RYR2: variants seen among roughly 807,000 people sequenced by gnomAD.
RYR2 encodes the protein cardiac muscle ryanodine receptor-calcium release channel.
RYR2 carries 227 observed loss-of-function variants against 601.1 expected under a neutral mutation model. The observed-to-expected ratio is 0.38, with a 90% confidence interval of 0.34 to 0.42. The LOEUF is 0.42. Among genes scored for constraint, RYR2 ranks in the 10% least tolerant of loss-of-function variants. The pLI is 1.00. For synonymous variants in RYR2, 2,223 were observed against 2,175.1 expected (o/e 1.02, Z -0.61); for missense variants, 4,646 against 6,156.5 (o/e 0.75, Z 8.21).
intron 1 of RYR2, among the ~76,000 whole-genome samples, chr1:237,107,392 G>C (rs547013961): frequency 6.6e-6 from 1 of 151,020 alleles, no homozygotes; most frequent in Non-Finnish European, 1.5e-5. Context: ...GTGGTGGCGG[G>C]CGCCTGTAGT....
chr1:237,273,731 T>C (rs1230403090), intron 2 of RYR2, among the ~76,000 whole-genome samples: 1 of 151,568 alleles, frequency 6.6e-6, no homozygotes, highest in East Asian at 1.9e-4. Context: ...ATTTGCAATA[T>C]TGGTCATAGA....
At chr1:237,093,639 A>G (rs1462667742) in intron 1 of RYR2, among the ~76,000 whole-genome samples, 1 of 152,120 alleles carries the variant, frequency 6.6e-6, no homozygotes, top group Non-Finnish European at 1.5e-5. Context: ...ATGGAGGTGG[A>G]AGGAGAAATA....
intron 17 of RYR2, among the ~76,000 whole-genome samples, chr1:237,490,817 T>G (rs1198190530): frequency 6.6e-6 from 1 of 152,220 alleles, no homozygotes; most frequent in Non-Finnish European, 1.5e-5. Context: ...TGCCTCTGTA[T>G]TCTATGATAC....
intron 12 of RYR2, among the ~76,000 whole-genome samples, chr1:237,433,340 A>G (rs1164408041): frequency 3.0e-4 from 15 of 49,656 alleles, no homozygotes; most frequent in African/African-American, 1.4e-3. Flanking sequence ...AGTAATTGAT[A>G]GTGCTGATTA....
rs183270996 is a variant in RYR2, at chr1:237,237,089, C to T, written c.49-33408C>T. ...TCTTTGTGCTCTCCCTCTCTCCTGC[C>T]GCCATGTAAGACACACCTGCTTCCC... On this transcript the variant is annotated intron_variant, in intron 1 of 104. Coordinates refer to ENST00000366574, the MANE Select transcript of RYR2 (RefSeq NM_001035.3). 1.8e-3 allele frequency among the ~76,000 whole-genome samples: 272 copies of T among 152,240 alleles called. 4 individuals are homozygous for T. Among genetic ancestry groups the T allele is most frequent in the African/African-American group, 6.3e-3 (262 of 41,552 alleles).
intron 96 of RYR2, among the ~76,000 whole-genome samples, chr1:237,795,852 ATATG>A (rs1659092945): frequency 8.4e-6 from 1 of 119,750 alleles, no homozygotes; most frequent in Non-Finnish European, 1.7e-5. Flanking sequence ...ATATATATGT[ATATG>A]TATATATATA....
At chr1:237,149,313 A>AAAAACAAAAAC (rs1674431769) in intron 1 of RYR2, among the ~76,000 whole-genome samples, 1 of 152,066 alleles carries the variant, frequency 6.6e-6, no homozygotes, top group South Asian at 2.1e-4. Flanking sequence ...AAACAAAAAC[A>AAAAACAAAAAC]AAAACAAAAA....
intron 2 of RYR2, among the ~76,000 whole-genome samples, chr1:237,313,233 C>T (rs901257304): frequency 2.0e-5 from 3 of 150,386 alleles, no homozygotes; most frequent in Admixed American, 6.6e-5. Context: ...TGGAGTATGT[C>T]GTAGGCTGAA....
At chr1:237,165,886 G>A (rs953457318) in intron 1 of RYR2, among the ~76,000 whole-genome samples, 35 of 152,076 alleles carry the variant, frequency 2.3e-4, no homozygotes, top group African/African-American at 8.5e-4. Flanking sequence ...CCTGTAGCCT[G>A]TTGTCAGGCA....
rs545628652 is a variant in RYR2 at position 237,811,561 on chromosome 1, C to T, written c.14433+2526C>T. ...TAAAAAAAATCTTAAGAATAAATAA[C>T]TCTCAAATGAATTGCAGGTTAGTTA... On this transcript the variant is annotated intron_variant, in intron 100 of 104. Transcript: ENST00000366574. 7.2e-5 allele frequency among the ~76,000 whole-genome samples: 11 copies of T among 152,228 alleles called. No homozygotes were observed. The South Asian group carries it at 2.3e-3, about 32-fold the overall frequency.
At chr1:237,831,067 C>T (rs1314937698) in intron 103 of RYR2, among the ~76,000 whole-genome samples, 1 of 152,100 alleles carries the variant, frequency 6.6e-6, no homozygotes, top group East Asian at 1.9e-4. Flanking sequence ...AGAAATCTTT[C>T]CATTACTCGA....
chr1:237,248,823 G>C (rs986918553), intron 1 of RYR2, among the ~76,000 whole-genome samples: 1 of 148,284 alleles, frequency 6.7e-6, no homozygotes, highest in African/African-American at 2.5e-5. Context: ...GTGCAATGGC[G>C]TGATCTCAGC....
chr1:237,515,984 CCCT>C (rs2147813751), intron 24 of RYR2, among the ~76,000 whole-genome samples: 1 of 147,456 alleles, frequency 6.8e-6, no homozygotes, highest in South Asian at 2.2e-4. Context: ...TTCTTCTCCT[CCCT>C]CTTCTTTTTT....
chr1:237,729,913 C>A (rs572444771), intron 76 of RYR2, among the ~76,000 whole-genome samples: 2 of 152,234 alleles, frequency 1.3e-5, no homozygotes, highest in African/African-American at 2.4e-5. Flanking sequence ...TAATGAACAT[C>A]TAATCAATGC....
At chr1:237,134,078 T>G (rs925324610) in intron 1 of RYR2, among the ~76,000 whole-genome samples, 8 of 152,176 alleles carry the variant, frequency 5.3e-5, no homozygotes, top group African/African-American at 1.9e-4. Flanking sequence ...TTCTGAATGA[T>G]TCACCGCTGA....
intron 74 of RYR2, among the ~76,000 whole-genome samples, chr1:237,725,593 C>T (rs1455176804): frequency 6.6e-6 from 1 of 152,082 alleles, no homozygotes; most frequent in Non-Finnish European, 1.5e-5. Flanking sequence ...CAAGCTAACA[C>T]ATCAGCACAT....
chr1:237,486,677 A>C (rs1662722232), intron 17 of RYR2, among the ~76,000 whole-genome samples: 1 of 152,178 alleles, frequency 6.6e-6, no homozygotes, highest in Admixed American at 6.5e-5. Flanking sequence ...ATGTAAGTAG[A>C]CATTACTTCC....
chr1:237,476,197 TC>T (rs1236343040), intron 17 of RYR2, among the ~76,000 whole-genome samples: 3 of 152,168 alleles, frequency 2.0e-5, no homozygotes, highest in African/African-American at 7.2e-5. Flanking sequence ...TGAAGTCCTG[TC>T]TGGGTTTAAG....
intron 3 of RYR2, among the ~76,000 whole-genome samples, chr1:237,346,043 G>C (rs1377204679): frequency 6.6e-6 from 1 of 152,046 alleles, no homozygotes; most frequent in Non-Finnish European, 1.5e-5. Context: ...TCTGTACTTA[G>C]AGAAAGGAGA....
Sources: allele counts gnomAD v4.1 joint callset (sites outside exome capture counted in the v4.1 genomes callset), GRCh38; gene constraint gnomAD v4.1.1; transcripts MANE v1.5; gene names NCBI Gene and HGNC (gene_info 2026-07-23, HGNC 2026-07-21).